The following NUP205 variants were observed in gnomAD, a reference collection of about 807,000 sequenced individuals.
NUP205 encodes nuclear pore complex protein Nup205.
NUP205 carries 76 observed loss-of-function variants against 253.8 expected under a neutral mutation model. The ratio of observed to expected loss-of-function variants is 0.30; its 90% CI spans 0.25 to 0.36. The LOEUF (loss-of-function observed/expected upper bound fraction) is 0.36, where lower values mean the gene tolerates loss of function less well. NUP205 is among the 10% of genes least tolerant of loss of function. The pLI is 1.00. For missense variants in NUP205, 2,162 were observed against 2,425.5 expected (o/e 0.89, Z 2.28); for synonymous variants, 832 against 850.1 (o/e 0.98, Z 0.37).
At chr7:135,612,430 A>G (rs543570163) in intron 22 of NUP205, among the ~76,000 whole-genome samples, 1 of 152,310 alleles carries the variant, frequency 6.6e-6, no homozygotes, top group South Asian at 2.1e-4. Context: ...AATTTATCTA[A>G]TGTAGTATTT....
chr7:135,632,018 T>C (rs776062153), intron 35 of NUP205, among the ~76,000 whole-genome samples: 1 of 152,164 alleles, frequency 6.6e-6, no homozygotes, highest in Non-Finnish European at 1.5e-5. Context: ...GTGCTGGGAT[T>C]GCAGGCTTGA....
intron 2 of NUP205, among the ~76,000 whole-genome samples, chr7:135,573,356 G>A (rs1806054770): frequency 2.0e-5 from 3 of 152,114 alleles, no homozygotes; most frequent in East Asian, 3.9e-4. Context: ...TATTTATTAT[G>A]TAATTGAAAA....
At position 135,614,106 on chromosome 7, in the gene NUP205, A is replaced by G. The variant is rs1794299945; in HGVS notation, c.3196-53A>G. ...TAAGTTCATATTTTGTTACCATAAT[A>G]TGTGTAACACAGAAAGACTGATTCA... On this transcript the variant is annotated intron_variant, in intron 22 of 42. Transcript: ENST00000285968. 1.1e-5 allele frequency: 11 copies of G among 982,038 alleles called. No homozygotes were observed. The Middle Eastern group carries it at 6.3e-4, about 57-fold the overall frequency. 60.8% of individuals were successfully genotyped at this position (982,038 alleles called of 1,614,324 possible).
chr7:135,560,713 A>C (rs189828484), intron 1 of NUP205, among the ~76,000 whole-genome samples: 1 of 152,244 alleles, frequency 6.6e-6, no homozygotes, highest in Non-Finnish European at 1.5e-5. Context: ...TACTAAGTGA[A>C]ATAAGCCAGT....
chr7:135,598,316 A>G (rs1426419805), intron 15 of NUP205, 109 bp downstream of exon 15: 1 of 981,724 alleles, frequency 1.0e-6, no homozygotes, highest in Non-Finnish European at 1.5e-6. Flanking sequence ...AGTAAAATTC[A>G]CAGTCTTTGT....
intron 27 of NUP205, among the ~76,000 whole-genome samples, chr7:135,618,001 G>A (rs980851186): frequency 6.6e-6 from 1 of 151,766 alleles, no homozygotes; most frequent in African/African-American, 2.4e-5. Context: ...CAGATAAGAG[G>A]TCAGGTGGGA....
At position 135,611,942 on chromosome 7, in the gene NUP205, G is replaced by A. The variant is rs941963757; in HGVS notation, c.3196-2217G>A. On this transcript the variant is annotated intron_variant, in intron 22 of 42. Transcript: ENST00000285968. ...ATCCTGGCTAACACGGTGAAACCCC[G>A]TCTCTACTAAAAATACAAAAACAAA... Among the ~76,000 whole-genome samples the A allele has an allele frequency of 7.2e-5, 11 of 151,980 alleles. No homozygotes were observed. The South Asian group carries it at 1.5e-3, about 20-fold the overall frequency.
chr7:135,597,917 A>G, intron 14 of NUP205, 81 bp from the exon 15 acceptor site: 4 of 1,047,238 alleles, frequency 3.8e-6, no homozygotes, highest in Non-Finnish European at 5.8e-6. Context: ...AGCACTATTA[A>G]TATGTTAATG....
rs1361533576 is a variant in NUP205, at chr7:135,628,029, G to A, written c.4850G>A (p.Arg1617His). Residue 1617 changes from arginine (R) to histidine (H), a missense_variant, in exon 34 of 43, where the codon CGC (arginine) becomes CAC (histidine). Transcript: ENST00000285968. ...MFIPTPVDRY[R>H]QILLPALQLC... Reference sequence around the variant, plus strand: ...ATCCCTACCCCAGTGGATCGCTACCGCCAGATTCTCCTCCCAGCTCTCCAG... The same window carrying A: ...ATCCCTACCCCAGTGGATCGCTACCACCAGATTCTCCTCCCAGCTCTCCAG... 1.2e-5 allele frequency: 19 copies of A among 1,611,082 alleles called. No homozygotes were observed. Among genetic ancestry groups the A allele is most frequent in the East Asian group, 2.2e-5 (1 of 44,830 alleles).
intron 12 of NUP205, 140 bp downstream of exon 12, chr7:135,593,332 GT>G: frequency 1.4e-6 from 1 of 699,364 alleles, no homozygotes. Context: ...CTGCCCTTAA[GT>G]TTTTTGTTTT....
At chr7:135,570,761 T>TATTATATTAATATATTA (rs1805957493) in intron 1 of NUP205, among the ~76,000 whole-genome samples, 2 of 89,766 alleles carry the variant, frequency 2.2e-5, no homozygotes, top group Admixed American at 1.5e-4. Flanking sequence ...TATATTTATA[T>TATTATATTAATATATTA]ATTATATTAA....
Position 135,593,078 on chromosome 7 carries a change from T to C in NUP205, c.1716T>C (p.Asp572=), listed in dbSNP as rs370190364. The C allele has an allele frequency of 1.2e-6, 2 of 1,613,918 alleles. No individual in the cohort carries two copies. The highest frequency in any genetic ancestry group is 2.7e-5 in the African/African-American group (2 of 74,906). ...LMLYHEHLRK[D]LPSADSVQYR... is the part of the protein sequence containing the mutation. ...TTTACCACGAACACCTTCGGAAGGA[T>C]CTTCCAAGTGCAGATAGTGTCCAGT... Residue 572 remains aspartate (D), a synonymous_variant, in exon 12 of 43, where the codon GAT becomes GAC. Transcript: ENST00000285968.
At chr7:135,593,769 CATT>C (rs1793755325) in intron 12 of NUP205, among the ~76,000 whole-genome samples, 1 of 152,242 alleles carries the variant, frequency 6.6e-6, no homozygotes, top group African/African-American at 2.4e-5. Flanking sequence ...TAGTACTTAA[CATT>C]ATTAGGCATC....
chr7:135,571,233 T>C lies in NUP205; in HGVS notation c.157T>C (p.Leu53=), dbSNP rs747589498. 5.6e-5 allele frequency: 78 copies of C among 1,400,382 alleles called. No homozygotes were observed. The highest frequency in any genetic ancestry group is 6.7e-5 in the Non-Finnish European group (72 of 1,071,374). The allele number at this position is 1,400,382 out of a possible 1,614,324, so 86.7% of individuals were successfully genotyped here. The change falls in exon 2 of 43, where the codon TTG becomes CTG. Residue 53 remains leucine, a synonymous_variant. Transcript: ENST00000285968. ...GAAACACAAACCTGACTTCATCTCA[T>C]TGTTCAAAAATCCGGTAAGAAATTT... ...LKKHKPDFIS[L]FKNPPKNVQQ...
rs1793892351 is a variant in NUP205 at position 135,598,361 on chromosome 7, T to C, written c.2274+154T>C. 2.6e-5 allele frequency among the ~76,000 whole-genome samples: 4 copies of C among 152,236 alleles called. No individual in the cohort carries two copies. The South Asian group carries it at 8.3e-4, about 32-fold the overall frequency. On this transcript the variant is annotated intron_variant, in intron 15 of 42. Transcript: ENST00000285968. ...TCTATGAAGTGGTCTGATTAGTTTA[T>C]GTGCACTAAAAAATAAGTTTGGTCA...
chr7:135,570,740 A>ATATTAATTATATTTATATATTATATTAAT (rs1805950266), intron 1 of NUP205, among the ~76,000 whole-genome samples: 2 of 76,950 alleles, frequency 2.6e-5, no homozygotes, highest in South Asian at 7.2e-4. Flanking sequence ...ATATTATATT[A>ATATTAATTATATTTATATATTATATTAAT]ATATATTAAT....
intron 13 of NUP205, among the ~76,000 whole-genome samples, chr7:135,595,678 G>A (rs1793815796): frequency 6.6e-6 from 1 of 151,988 alleles, no homozygotes; most frequent in South Asian, 2.1e-4. Flanking sequence ...TGCTGATGTG[G>A]GGAAATAAAT....
intron 30 of NUP205, 49 bp downstream of exon 30, chr7:135,619,937 T>G: frequency 8.2e-7 from 1 of 1,223,118 alleles, no homozygotes; most frequent in Non-Finnish European, 1.2e-6. Flanking sequence ...AGATGGTTAC[T>G]TTAAATTGAA....
chr7:135,607,321 G>T lies in NUP205; in HGVS notation c.3145G>T (p.Gly1049Cys). The change falls in exon 22 of 43, where the codon GGC (glycine) becomes TGC (cysteine). Residue 1049 changes from glycine (G) to cysteine (C), a missense_variant. Around this residue, in one of 5 missense-constraint regions of NUP205, gnomAD observed 1,144 missense variants for 1,280.9 expected, o/e 0.89. Transcript: ENST00000285968. The part of the protein sequence containing the change: ...ILEKGTEGRT[G>C]PVAVRESPQL... The stretch of plus-strand genomic sequence containing the variant: ...GGAGAAAGGAACGGAAGGGAGAACA[G>T]GCCCAGTGGCGGTGCGAGAATCTCC... 1 of 1,614,162 alleles carries T rather than the reference G, an allele frequency of 6.2e-7. No individual in the cohort carries two copies. Among genetic ancestry groups the T allele is most frequent in the South Asian group, 1.1e-5 (1 of 91,088 alleles).
Sources: gnomAD v4.1 joint callset for allele counts (sites outside exome capture counted in the v4.1 genomes callset) on GRCh38, gnomAD v4.1.1 for gene constraint, gnomAD v4.1.1 regional missense constraint, MANE v1.5 for transcripts, NCBI Gene and HGNC (gene_info 2026-07-23, HGNC 2026-07-21) for gene names.